Variants in GPM6A observed in about 807,000 individuals in gnomAD.
GPM6A encodes neuronal membrane glycoprotein M6-a.
In GPM6A, 7 loss-of-function variants were observed where a neutral mutation model predicts 32.1. The observed-to-expected ratio is 0.22, with a 90% CI of 0.12 to 0.41. GPM6A has a LOEUF of 0.41. Among genes scored for constraint, GPM6A ranks in the 10% least tolerant of loss-of-function variants. The probability of loss-of-function intolerance (pLI) is 1.00; values close to 1 mark genes in which losing one functional copy is unlikely to be tolerated. For synonymous variants in GPM6A, 130 were observed against 123.4 expected (o/e 1.05, Z -0.35); for missense variants, 235 against 347.2 (o/e 0.68, Z 2.57).
chr4:175,915,854 T>G (rs1225232836), intron 1 of GPM6A, among the ~76,000 whole-genome samples: 1 of 152,240 alleles, frequency 6.6e-6, no homozygotes, highest in Non-Finnish European at 1.5e-5. Context: ...GTTTGTTGTT[T>G]TGCTTTGTTG....
chr4:175,673,588 A>G (rs1348758114), intron 3 of GPM6A, 92 bp downstream of exon 3: 12 of 891,868 alleles, frequency 1.3e-5, no homozygotes, highest in Non-Finnish European at 1.3e-5. Context: ...GTGTGAAAAA[A>G]AAATACTTTA....
At chr4:175,954,560 C>T (rs1739923059) in intron 1 of GPM6A, among the ~76,000 whole-genome samples, 1 of 152,148 alleles carries the variant, frequency 6.6e-6, no homozygotes, top group Admixed American at 6.5e-5. Context: ...CATTTTTCCA[C>T]CCGAAGAGTC....
chr4:175,974,527 G>T (rs114047387), intron 1 of GPM6A, among the ~76,000 whole-genome samples: 5,337 of 151,554 alleles, frequency 0.035, 200 homozygotes, highest in African/African-American at 0.1. Context: ...AGCCCTAAAT[G>T]ACACTTAAAG....
intron 4 of GPM6A, among the ~76,000 whole-genome samples, chr4:175,650,410 T>C (rs1257092208): frequency 6.6e-6 from 1 of 152,014 alleles, no homozygotes; most frequent in Non-Finnish European, 1.5e-5. Context: ...GTTCAAGAAA[T>C]TCTCCTGCCT....
intron 1 of GPM6A, among the ~76,000 whole-genome samples, chr4:175,909,828 A>T (rs954601582): frequency 4.6e-5 from 7 of 152,206 alleles, no homozygotes; most frequent in Non-Finnish European, 1.0e-4. Context: ...ATTTAATGAG[A>T]AATAATCATA....
chr4:175,702,627 G>GC (rs1226349148), intron 1 of GPM6A, among the ~76,000 whole-genome samples: 7 of 152,056 alleles, frequency 4.6e-5, no homozygotes, highest in African/African-American at 1.7e-4. Flanking sequence ...AGATTCTCCT[G>GC]CCTTAGCCTC....
chr4:175,721,926 C>T (rs1289651365), intron 1 of GPM6A, among the ~76,000 whole-genome samples: 1 of 152,130 alleles, frequency 6.6e-6, no homozygotes, highest in Non-Finnish European at 1.5e-5. Flanking sequence ...TTCCAGTGAT[C>T]TGTAGTAACT....
At chr4:175,745,055 G>A (rs1732044288) in intron 1 of GPM6A, among the ~76,000 whole-genome samples, 1 of 151,770 alleles carries the variant, frequency 6.6e-6, no homozygotes, top group Admixed American at 6.6e-5. Flanking sequence ...TTGTGACACT[G>A]TCTTATCTAC....
chr4:175,890,214 T>C (rs1482171273), intron 1 of GPM6A, among the ~76,000 whole-genome samples: 4 of 152,210 alleles, frequency 2.6e-5, no homozygotes, highest in Admixed American at 2.0e-4. Flanking sequence ...TAAAAACTTA[T>C]ACAATCAATT....
chr4:175,803,546 G>T (rs1385967046), intron 1 of GPM6A, among the ~76,000 whole-genome samples: 3 of 152,116 alleles, frequency 2.0e-5, no homozygotes, highest in African/African-American at 4.8e-5. Flanking sequence ...TCCAGGAATT[G>T]TAATAGGCGC....
intron 1 of GPM6A, among the ~76,000 whole-genome samples, chr4:175,861,429 T>A (rs1398063976): frequency 1.3e-5 from 2 of 151,100 alleles, no homozygotes. Context: ...TAATTTTAAT[T>A]CAAACTAAAA....
At chr4:175,993,689 T>C (rs73873548) in intron 1 of GPM6A, among the ~76,000 whole-genome samples, 3,878 of 152,322 alleles carry the variant, frequency 0.025, 150 homozygotes, top group African/African-American at 0.086. Context: ...AATAGCTTGA[T>C]GATAAGAGTA....
At chr4:175,802,935 T>G (rs904043791) in intron 1 of GPM6A, among the ~76,000 whole-genome samples, 19 of 152,122 alleles carry the variant, frequency 1.2e-4, no homozygotes, top group Admixed American at 1.2e-3. Flanking sequence ...ATATTTCAGG[T>G]CAAAGAATAA....
At chr4:175,868,933 A>G (rs1736820933) in intron 1 of GPM6A, among the ~76,000 whole-genome samples, 2 of 152,182 alleles carry the variant, frequency 1.3e-5, no homozygotes, top group Non-Finnish European at 2.9e-5. Flanking sequence ...ACTATTGTAC[A>G]ATTGCTTGTA....
At chr4:175,726,885 A>G (rs529423152) in intron 1 of GPM6A, among the ~76,000 whole-genome samples, 1 of 152,116 alleles carries the variant, frequency 6.6e-6, no homozygotes, top group Non-Finnish European at 1.5e-5. Context: ...AATTCCAGCT[A>G]TTCAGGAGGC....
chr4:175,989,499 C>A (rs1741073394), intron 1 of GPM6A, among the ~76,000 whole-genome samples: 1 of 151,908 alleles, frequency 6.6e-6, no homozygotes, highest in South Asian at 2.1e-4. Context: ...TCAATTAAGT[C>A]ATACAAGTAT....
chr4:175,928,161 G>A (rs1345915310), intron 1 of GPM6A, among the ~76,000 whole-genome samples: 3 of 152,184 alleles, frequency 2.0e-5, no homozygotes, highest in Admixed American at 2.0e-4. Flanking sequence ...GTGTCCGGAA[G>A]TGAGCATTTT....
rs565437579 is a variant in GPM6A, at chr4:175,915,534, G to A, written c.-23+86775C>T. The stretch of plus-strand genomic sequence containing the variant: ...TTGGCCAAGCTGGTCTCGAACTCCT[G>A]ACCTCAAGGTGATCTGCTCCTTGGC... On this transcript the variant is annotated intron_variant, in intron 1 of 7. Coordinates refer to the GPM6A transcript ENST00000280187. 2.6e-3 allele frequency among the ~76,000 whole-genome samples: 402 copies of A among 152,118 alleles called. 4 individuals are homozygous for A. Among genetic ancestry groups the A allele is most frequent in the African/African-American group, 9.1e-3 (379 of 41,514 alleles).
intron 1 of GPM6A, among the ~76,000 whole-genome samples, chr4:175,851,282 C>T (rs926716178): frequency 4.6e-5 from 7 of 151,322 alleles, no homozygotes; most frequent in African/African-American, 1.7e-4. Flanking sequence ...GTCAGGAATT[C>T]GAGACCAGCC....
Sources: gnomAD v4.1 joint callset for allele counts (sites outside exome capture counted in the v4.1 genomes callset) on GRCh38, gnomAD v4.1.1 for gene constraint, MANE v1.5 for transcripts, NCBI Gene and HGNC (gene_info 2026-07-23, HGNC 2026-07-21) for gene names.